Variants in DLC1 observed in about 807,000 individuals in gnomAD.
The protein encoded by DLC1 is rho GTPase-activating protein 7.
A neutral mutation model predicts 140.3 loss-of-function variants in DLC1; 54 were observed. That is an observed-to-expected ratio of 0.38 (90% CI 0.31 to 0.48). The LOEUF is 0.48. Ranked by LOEUF, DLC1 falls within the 20% of genes least tolerant of loss-of-function variation. The pLI is 0.96. For missense variants in DLC1, 2,536 were observed against 1,907.0 expected, an observed-to-expected ratio of 1.33 and a Z score of -6.14; for synonymous variants, 986 against 728.1, an observed-to-expected ratio of 1.35 and a Z score of -5.70.
At chr8:13,296,324 T>C (rs1436111836) in intron 5 of DLC1, among the ~76,000 whole-genome samples, 1 of 152,096 alleles carries the variant, frequency 6.6e-6, no homozygotes, top group African/African-American at 2.4e-5. Context: ...GGCCCTTTCA[T>C]AAATTGTCTT....
At chr8:13,384,642 C>T (rs1211580178) in intron 4 of DLC1, among the ~76,000 whole-genome samples, 4 of 151,948 alleles carry the variant, frequency 2.6e-5, no homozygotes, top group Non-Finnish European at 4.4e-5. Flanking sequence ...TACCTAAAAC[C>T]CTGTGTTCTA....
Position 13,388,204 on chromosome 8 carries a change from A to G in DLC1, c.1314+5349T>C, listed in dbSNP as rs184248676. On this transcript the variant is annotated intron_variant, in intron 4 of 17. Coordinates refer to ENST00000276297, the MANE Select transcript of DLC1 (RefSeq NM_182643.3). ...CTGTCTTAGACATCTTTAATAAATAACACTCCACTGAAATAGTATTTTATT... is the reference window on the plus strand; with the variant it reads ...CTGTCTTAGACATCTTTAATAAATAGCACTCCACTGAAATAGTATTTTATT... Among the ~76,000 whole-genome samples the G allele has an allele frequency of 4.0e-3, 615 of 152,146 alleles. 5 individuals are homozygous for G. The highest frequency in any genetic ancestry group is 6.0e-3 in the Non-Finnish European group (407 of 67,906).
chr8:13,132,606 A>G (rs1190137570), intron 5 of DLC1, among the ~76,000 whole-genome samples: 1 of 152,258 alleles, frequency 6.6e-6, no homozygotes, highest in South Asian at 2.1e-4. Context: ...CCCTCGAGCC[A>G]GAGCCGCGAG....
At chr8:13,289,577 T>G (rs905815635) in intron 5 of DLC1, among the ~76,000 whole-genome samples, 1 of 152,194 alleles carries the variant, frequency 6.6e-6, no homozygotes, top group African/African-American at 2.4e-5. Context: ...GCAATCCTCC[T>G]GCCTTGGCCT....
intron 2 of DLC1, among the ~76,000 whole-genome samples, chr8:13,412,273 A>G (rs779922813): frequency 6.6e-6 from 1 of 152,342 alleles, no homozygotes; most frequent in East Asian, 1.9e-4. Flanking sequence ...AAAAGAAATC[A>G]TGACCACACT....
At position 13,567,856 on chromosome 8, in the gene DLC1, G is replaced by A. The variant is rs887927420; in HGVS notation, c.-126+36681C>T. 5 of 1,551,712 alleles carry A rather than the reference G, an allele frequency of 3.2e-6. No individual in the cohort carries two copies. In the African/African-American group the frequency reaches 6.8e-5, roughly 21 times the overall value. On this transcript the variant is annotated intron_variant, in intron 1 of 1. Transcript: ENST00000631382. ...GACAGAGCAGAAGTTGCAGCGAGATGGAAATAGTGCTTGTCATTTACCATT... is the reference window on the plus strand; with the variant it reads ...GACAGAGCAGAAGTTGCAGCGAGATAGAAATAGTGCTTGTCATTTACCATT...
At chr8:13,573,458 A>G (rs1363446226) in intron 1 of DLC1, among the ~76,000 whole-genome samples, 2 of 152,154 alleles carry the variant, frequency 1.3e-5, no homozygotes, top group African/African-American at 2.4e-5. Context: ...CTATCTTTGC[A>G]TAATTGCTAT....
chr8:13,578,291 G>A (rs1282188098), intron 1 of DLC1, among the ~76,000 whole-genome samples: 1 of 152,116 alleles, frequency 6.6e-6, no homozygotes, highest in Non-Finnish European at 1.5e-5. Context: ...AGCCATTCCA[G>A]CAAATCTCAC....
At chr8:13,533,818 C>G (rs186760429) in intron 1 of DLC1, among the ~76,000 whole-genome samples, 17 of 152,256 alleles carry the variant, frequency 1.1e-4, no homozygotes, top group Non-Finnish European at 1.5e-5. Context: ...CAAGTTCTCA[C>G]AAGATCTGAT....
At chr8:13,493,149 A>C (rs868621223) in intron 2 of DLC1, among the ~76,000 whole-genome samples, 1 of 152,192 alleles carries the variant, frequency 6.6e-6, no homozygotes, top group Admixed American at 6.5e-5. Context: ...GGGAAGCACA[A>C]TCTTCTCAAC....
At chr8:13,191,917 G>T (rs1030962936) in intron 5 of DLC1, among the ~76,000 whole-genome samples, 1 of 140,858 alleles carries the variant, frequency 7.1e-6, no homozygotes, top group African/African-American at 2.7e-5. Context: ...GCTTTAAGGG[G>T]AGTGGCCTGA....
chr8:13,381,366 G>T (rs182701612), intron 4 of DLC1, among the ~76,000 whole-genome samples: 1 of 152,304 alleles, frequency 6.6e-6, no homozygotes, highest in Admixed American at 6.5e-5. Flanking sequence ...ACGTTAAGGA[G>T]ATCACAGGTG....
intron 5 of DLC1, among the ~76,000 whole-genome samples, chr8:13,139,107 A>AC (rs1822776927): frequency 6.7e-6 from 1 of 150,148 alleles, no homozygotes; most frequent in South Asian, 2.1e-4. Context: ...ACACAAGGAG[A>AC]CCCCATCTCT....
At chr8:13,185,426 G>C (rs1826309946) in intron 5 of DLC1, among the ~76,000 whole-genome samples, 1 of 151,934 alleles carries the variant, frequency 6.6e-6, no homozygotes, top group Non-Finnish European at 1.5e-5. Flanking sequence ...TCCTGCCTCA[G>C]CCTCCCGACT....
chr8:13,492,684 A>G (rs1332766846), intron 2 of DLC1, among the ~76,000 whole-genome samples: 2 of 152,172 alleles, frequency 1.3e-5, no homozygotes, highest in African/African-American at 2.4e-5. Flanking sequence ...TGGACCAAGC[A>G]CATAGGATAG....
chr8:13,555,921 T>C (rs1804030530), intron 1 of DLC1, among the ~76,000 whole-genome samples: 1 of 152,140 alleles, frequency 6.6e-6, no homozygotes, highest in Admixed American at 6.5e-5. Context: ...TCTAAATGTT[T>C]AAAGGTTTTG....
At chr8:13,183,563 A>G (rs1214396720) in intron 5 of DLC1, among the ~76,000 whole-genome samples, 1 of 152,116 alleles carries the variant, frequency 6.6e-6, no homozygotes, top group Non-Finnish European at 1.5e-5. Flanking sequence ...TTCTGCATCT[A>G]TTGAGATAAT....
intron 5 of DLC1, among the ~76,000 whole-genome samples, chr8:13,155,585 A>T (rs1008783814): frequency 6.6e-6 from 1 of 152,162 alleles, no homozygotes; most frequent in African/African-American, 2.4e-5. Context: ...AAACTTAAAT[A>T]TTCTAATATT....
At chr8:13,196,272 T>G (rs1827049623) in intron 5 of DLC1, among the ~76,000 whole-genome samples, 1 of 152,200 alleles carries the variant, frequency 6.6e-6, no homozygotes, top group Admixed American at 6.5e-5. Flanking sequence ...AATACAAGTA[T>G]GCTAAAATGT....
Sources: allele counts gnomAD v4.1 joint callset (sites outside exome capture counted in the v4.1 genomes callset), GRCh38; gene constraint gnomAD v4.1.1; transcripts MANE v1.5; gene names NCBI Gene and HGNC (gene_info 2026-07-23, HGNC 2026-07-21).